The following SNTG1 variants were observed in gnomAD, a reference collection of about 807,000 sequenced individuals.
SNTG1 encodes the protein gamma-1-syntrophin.
A neutral mutation model predicts 74.7 loss-of-function variants in SNTG1; 39 were observed. The ratio of observed to expected loss-of-function variants is 0.52; its 90% CI spans 0.40 to 0.68. The LOEUF (loss-of-function observed/expected upper bound fraction) is 0.68, where lower values mean the gene tolerates loss of function less well. Among genes scored for constraint, SNTG1 ranks in the 30% least tolerant of loss-of-function variants. The probability of loss-of-function intolerance (pLI) is 0.00; values close to 1 mark genes in which losing one functional copy is unlikely to be tolerated. For missense variants in SNTG1, 685 were observed against 609.5 expected (o/e 1.12, Z -1.30); for synonymous variants, 254 against 217.1 (o/e 1.17, Z -1.49).
At chr8:49,941,983 G>T (rs953682746) in intron 1 of SNTG1, among the ~76,000 whole-genome samples, 1 of 152,012 alleles carries the variant, frequency 6.6e-6, no homozygotes, top group African/African-American at 2.4e-5. Context: ...GACATGAAAA[G>T]GTATACAATC....
At chr8:50,424,781 G>A (rs1408691329) in intron 4 of SNTG1, among the ~76,000 whole-genome samples, 1 of 152,152 alleles carries the variant, frequency 6.6e-6, no homozygotes, top group Non-Finnish European at 1.5e-5. Context: ...TTTCATGACA[G>A]ACAAGTATAT....
chr8:50,210,620 GC>G (rs1235177775), intron 2 of SNTG1, among the ~76,000 whole-genome samples: 3 of 152,032 alleles, frequency 2.0e-5, no homozygotes, highest in African/African-American at 7.2e-5. Context: ...TTCATATCCA[GC>G]CAAACTAAGC....
chr8:50,374,352 A>C (rs2092332228), intron 2 of SNTG1, among the ~76,000 whole-genome samples: 1 of 152,228 alleles, frequency 6.6e-6, no homozygotes, highest in South Asian at 2.1e-4. Context: ...TAACTAAGTA[A>C]ATTCTGTTTA....
chr8:50,134,519 A>T (rs1280309759), intron 1 of SNTG1, among the ~76,000 whole-genome samples: 1 of 152,114 alleles, frequency 6.6e-6, no homozygotes, highest in African/African-American at 2.4e-5. Flanking sequence ...GCTTATGGGA[A>T]AGCTTTTTTT....
chr8:50,217,675 T>C (rs2084861021), intron 2 of SNTG1, among the ~76,000 whole-genome samples: 1 of 152,182 alleles, frequency 6.6e-6, no homozygotes. Flanking sequence ...TACAAACCAC[T>C]GTTTTCTCAT....
intron 2 of SNTG1, among the ~76,000 whole-genome samples, chr8:50,186,909 G>A (rs908732921): frequency 2.0e-5 from 3 of 151,950 alleles, no homozygotes; most frequent in African/African-American, 7.3e-5. Flanking sequence ...TGTCAATTTT[G>A]GCTTTTGTTG....
intron 18 of SNTG1, among the ~76,000 whole-genome samples, chr8:50,752,715 T>G (rs2131704574): frequency 6.6e-6 from 1 of 152,124 alleles, no homozygotes. Context: ...ACCCCTTTAC[T>G]TATTAAATTC....
At chr8:50,407,242 G>C (rs1048204840) in intron 4 of SNTG1, among the ~76,000 whole-genome samples, 8 of 152,176 alleles carry the variant, frequency 5.3e-5, no homozygotes, top group Non-Finnish European at 1.0e-4. Flanking sequence ...ACAACAAATA[G>C]AGTGTTAACT....
At chr8:50,771,815 C>A (rs2095627939) in intron 18 of SNTG1, among the ~76,000 whole-genome samples, 1 of 152,048 alleles carries the variant, frequency 6.6e-6, no homozygotes, top group African/African-American at 2.4e-5. Flanking sequence ...CTCTCCACAT[C>A]AAGAGCAGCC....
intron 15 of SNTG1, among the ~76,000 whole-genome samples, chr8:50,660,292 A>G (rs2095212609): frequency 6.7e-6 from 1 of 149,174 alleles, no homozygotes; most frequent in Admixed American, 6.7e-5. Flanking sequence ...GAAAGAAGAA[A>G]GAAAGAGAAA....
intron 2 of SNTG1, among the ~76,000 whole-genome samples, chr8:50,297,618 T>C (rs1408270834): frequency 1.3e-5 from 2 of 152,150 alleles, no homozygotes; most frequent in African/African-American, 4.8e-5. Context: ...GTGGGGAGGC[T>C]ACACAGTGTG....
chr8:50,120,481 G>T (rs1413094697), intron 1 of SNTG1, among the ~76,000 whole-genome samples: 3 of 138,682 alleles, frequency 2.2e-5, no homozygotes, highest in Non-Finnish European at 4.8e-5. Flanking sequence ...CATTACTACT[G>T]CCACTAACAC....
At chr8:49,938,790 G>A (rs538012529) in intron 1 of SNTG1, among the ~76,000 whole-genome samples, 192 of 150,478 alleles carry the variant, frequency 1.3e-3, no homozygotes, top group African/African-American at 4.5e-3. Context: ...TATTTTGACT[G>A]TGTAATAAAT....
chr8:50,536,801 T>C lies in SNTG1; in HGVS notation c.673T>C (p.Leu225=). Residue 225 remains leucine, a synonymous_variant, in exon 11 of 19, where the codon TTG becomes CTG. Transcript: ENST00000642720. The part of the protein sequence containing the change: ...RFSQYVPGTD[L]SRQNAFQVIA... ...CTCTCAGTATGTGCCCGGCACAGAT[T>C]TGAGTCGGTGAGTCCGTGTTTAGGA... is the stretch of plus-strand genomic sequence containing the variant. 6.2e-7 allele frequency: 1 copy of C among 1,613,948 alleles called. No individual in the cohort carries two copies. Among genetic ancestry groups the C allele is most frequent in the Non-Finnish European group, 8.5e-7 (1 of 1,179,808 alleles).
intron 2 of SNTG1, among the ~76,000 whole-genome samples, chr8:50,189,457 C>A (rs1393565606): frequency 1.3e-5 from 2 of 152,062 alleles, no homozygotes; most frequent in Non-Finnish European, 2.9e-5. Context: ...CCAGGTGCTG[C>A]TGATGCAGGG....
intron 1 of SNTG1, among the ~76,000 whole-genome samples, chr8:50,047,555 T>C (rs1271008307): frequency 6.6e-6 from 1 of 152,200 alleles, no homozygotes; most frequent in Non-Finnish European, 1.5e-5. Context: ...AATACATTCA[T>C]GACCAGAATG....
At chr8:50,157,763 C>T (rs745481984) in intron 1 of SNTG1, among the ~76,000 whole-genome samples, 26 of 152,050 alleles carry the variant, frequency 1.7e-4, no homozygotes, top group Non-Finnish European at 2.9e-4. Flanking sequence ...GAGATTGCTA[C>T]TGGTGCTTTG....
chr8:50,153,787 G>A (rs1402664311), intron 1 of SNTG1, among the ~76,000 whole-genome samples: 1 of 152,164 alleles, frequency 6.6e-6, no homozygotes, highest in African/African-American at 2.4e-5. Flanking sequence ...TGGGTACCCA[G>A]CTGTATGAGG....
At chr8:50,101,723 A>G (rs2080133116) in intron 1 of SNTG1, among the ~76,000 whole-genome samples, 1 of 149,304 alleles carries the variant, frequency 6.7e-6, no homozygotes, top group Non-Finnish European at 1.5e-5. Flanking sequence ...CCCACCCCAC[A>G]ACAGTCCCCA....
Sources: allele counts gnomAD v4.1 joint callset (sites outside exome capture counted in the v4.1 genomes callset), GRCh38; gene constraint gnomAD v4.1.1; transcripts MANE v1.5; gene names NCBI Gene and HGNC (gene_info 2026-07-23, HGNC 2026-07-21).